The following SP4 variants were observed in gnomAD, a reference collection of about 807,000 sequenced individuals.
The protein encoded by SP4 is Sp4 transcription factor.
SP4 carries 19 observed loss-of-function variants against 72.8 expected under a neutral mutation model. That is an observed-to-expected ratio of 0.26 (90% CI 0.18 to 0.38). The LOEUF is 0.38. Among genes scored for constraint, SP4 ranks in the 10% least tolerant of loss-of-function variants. The pLI is 1.00. For missense variants in SP4, 1,008 were observed against 926.3 expected (o/e 1.09, Z -1.14); for synonymous variants, 395 against 333.1 (o/e 1.19, Z -2.02).
At chr7:21,501,344 CCCT>C (rs150202485) in intron 5 of SP4, among the ~76,000 whole-genome samples, 4,181 of 152,140 alleles carry the variant, frequency 0.027, 104 homozygotes, top group East Asian at 0.078. Context: ...CTCACAAAGT[CCCT>C]CCTCTTTTCT....
At chr7:21,489,553 C>CTTTTTTT (rs1193080485) in intron 5 of SP4, among the ~76,000 whole-genome samples, 916 of 82,494 alleles carry the variant, frequency 0.011, no homozygotes, top group Non-Finnish European at 0.017. Context: ...TTTCTTTTTT[C>CTTTTTTT]TTTTTTTTTT....
intron 3 of SP4, among the ~76,000 whole-genome samples, chr7:21,460,668 G>A (rs7797799): frequency 0.01 from 1,540 of 152,266 alleles, 28 homozygotes; most frequent in African/African-American, 0.035. Context: ...TTTACAGAGC[G>A]CTGATTGGTC....
chr7:21,512,734 T>G lies in SP4; in HGVS notation c.*1465T>G, dbSNP rs1583456100. The G allele has an allele frequency of 6.6e-6, 1 of 152,374 alleles. No individual in the cohort carries two copies. The highest frequency in any genetic ancestry group is 1.9e-4 in the East Asian group (1 of 5,182). 9.4% of individuals were successfully genotyped at this position (152,374 alleles called of 1,614,324 possible). ...CCTGCCACCATGCCTGGCTAATTTTTGTATTTTTAGTAGAGACAGGGTTTC... is the reference window on the plus strand; with the variant it reads ...CCTGCCACCATGCCTGGCTAATTTTGGTATTTTTAGTAGAGACAGGGTTTC... On this transcript the variant is annotated 3_prime_UTR_variant, in exon 6 of 6. Transcript: ENST00000222584.
chr7:21,464,122 C>CTTTT (rs995083942), intron 3 of SP4, among the ~76,000 whole-genome samples: 9 of 127,326 alleles, frequency 7.1e-5, no homozygotes, highest in South Asian at 2.5e-4. Flanking sequence ...AGGGCGCTCT[C>CTTTT]TTTTTTTTTT....
chr7:21,470,459 G>T (rs1416048245), intron 3 of SP4, among the ~76,000 whole-genome samples: 1 of 152,184 alleles, frequency 6.6e-6, no homozygotes, highest in African/African-American at 2.4e-5. Flanking sequence ...AGAATTTGTT[G>T]GCTTAGGCAT....
chr7:21,428,176 T>TCCAGCCCCCCCCCCC lies in SP4; in HGVS notation c.-74_-73insAGCCCCCCCCCCCCC. 2 of 718,772 alleles carry TCCAGCCCCCCCCCCC rather than the reference T, an allele frequency of 2.8e-6. No individual in the cohort carries two copies. The highest frequency in any genetic ancestry group is 5.0e-6 in the Non-Finnish European group (2 of 396,136). 44.5% of individuals were successfully genotyped at this position (718,772 alleles called of 1,614,324 possible). On this transcript the variant is annotated 5_prime_UTR_variant, in exon 1 of 6. Transcript: ENST00000222584. The stretch of plus-strand genomic sequence containing the variant: ...ACCGCGGGCGGGCGGGACCGGCCTC[T>TCCAGCCCCCCCCCCC]CCTCCCGCCTCGCCCCCACCCCCAC...
Position 21,428,737 on chromosome 7 carries a change from G to T in SP4, c.68G>T (p.Gly23Val). Residue 23 changes from glycine to valine, a missense_variant, in exon 2 of 6, where the codon GGG becomes GTG. Physicochemically the swap from Gly to Val is moderately radical, Grantham distance 109. Coordinates refer to ENST00000222584, the MANE Select transcript of SP4 (RefSeq NM_003112.5). ...AAAAAMATEG[G>V]KTSEPENNNK... is the part of the protein sequence containing the mutation. ...GCAGCGGCGATGGCTACAGAAGGAGGGAAAACCTCTGAGCCAGAGAATAAC... is the reference window on the plus strand; with the variant it reads ...GCAGCGGCGATGGCTACAGAAGGAGTGAAAACCTCTGAGCCAGAGAATAAC... 1 of 1,553,950 alleles carries T rather than the reference G, an allele frequency of 6.4e-7. No individual in the cohort carries two copies.
chr7:21,448,661 G>A (rs1467976972), intron 3 of SP4, among the ~76,000 whole-genome samples: 1 of 152,192 alleles, frequency 6.6e-6, no homozygotes, highest in Non-Finnish European at 1.5e-5. Context: ...ATTAAATGGA[G>A]TAATATGTGT....
chr7:21,454,590 G>A (rs1783705671), intron 3 of SP4, among the ~76,000 whole-genome samples: 1 of 152,140 alleles, frequency 6.6e-6, no homozygotes, highest in South Asian at 2.1e-4. Flanking sequence ...AGGAAGTTAT[G>A]GTTTGTTGCT....
At chr7:21,441,466 C>A (rs940549417) in intron 3 of SP4, among the ~76,000 whole-genome samples, 1 of 152,106 alleles carries the variant, frequency 6.6e-6, no homozygotes. Flanking sequence ...GTTTTTTGAA[C>A]CATTTCCTAA....
intron 5 of SP4, among the ~76,000 whole-genome samples, chr7:21,489,573 T>C (rs1244216478): frequency 6.9e-6 from 1 of 145,544 alleles, no homozygotes; most frequent in African/African-American, 2.6e-5. Context: ...TTTTTTTTTT[T>C]TTTTGAGATG....
At chr7:21,452,485 A>G (rs1267399884) in intron 3 of SP4, among the ~76,000 whole-genome samples, 1 of 152,160 alleles carries the variant, frequency 6.6e-6, no homozygotes, top group Non-Finnish European at 1.5e-5. Flanking sequence ...ACAGGTCGGG[A>G]ATCCTGTACA....
chr7:21,500,578 C>T (rs1203366557), intron 5 of SP4, among the ~76,000 whole-genome samples: 1 of 152,114 alleles, frequency 6.6e-6, no homozygotes, highest in Non-Finnish European at 1.5e-5. Flanking sequence ...AATTCAGTTC[C>T]TTTCTGTTGT....
At chr7:21,478,182 A>G (rs919947648) in intron 4 of SP4, among the ~76,000 whole-genome samples, 5 of 152,310 alleles carry the variant, frequency 3.3e-5, no homozygotes, top group Middle Eastern at 3.4e-3. Flanking sequence ...ACCATATTAC[A>G]GTATGATCAA....
chr7:21,429,542 G>C lies in SP4; in HGVS notation c.377G>C (p.Ser126Thr), dbSNP rs1476037507. The change falls in exon 3 of 6, where the codon AGT becomes ACT. Residue 126 changes from serine to threonine, a missense_variant. By Grantham distance (58) the Ser-to-Thr change is moderately conservative. Around this residue, in one of 3 missense-constraint regions of SP4, gnomAD observed 893 missense variants for 743.3 expected, o/e 1.20. Coordinates refer to ENST00000222584, the MANE Select transcript of SP4 (RefSeq NM_003112.5). Reference protein sequence around the residue: ...NVSQPASSSSSSSSSNNGSAS... With the variant: ...NVSQPASSSSTSSSSNNGSAS... ...TCTCAACCAGCCTCTAGTTCGTCTAGTTCTTCCAGCAGTAATAACGGGAGT... is the reference window on the plus strand; with the variant it reads ...TCTCAACCAGCCTCTAGTTCGTCTACTTCTTCCAGCAGTAATAACGGGAGT... 1.2e-6 allele frequency: 2 copies of C among 1,614,172 alleles called. No individual in the cohort carries two copies.
Position 21,458,774 on chromosome 7 carries a change from C to A in SP4, c.1679-18305C>A, listed in dbSNP as rs192236203. Among the ~76,000 whole-genome samples, 81 of 151,916 alleles carry A rather than the reference C, an allele frequency of 5.3e-4. 1 individual carries two copies. The East Asian group carries it at 0.014, about 26-fold the overall frequency. On this transcript the variant is annotated intron_variant, in intron 3 of 5. Transcript: ENST00000222584. ...ATGCAAGATGGTTCTTAGGTGGCACCCCCTTCCCGCTCCCCTCCCCCCACA... is the reference window on the plus strand; with the variant it reads ...ATGCAAGATGGTTCTTAGGTGGCACACCCTTCCCGCTCCCCTCCCCCCACA...
At chr7:21,477,356 C>A (rs1343344014) in intron 4 of SP4, 49 bp downstream of exon 4, 1 of 1,200,934 alleles carries the variant, frequency 8.3e-7, no homozygotes, top group Non-Finnish European at 1.2e-6. Context: ...CATAAAACAG[C>A]AGTTAAAACC....
chr7:21,481,929 G>T lies in SP4; in HGVS notation c.1913G>T (p.Ser638Ile). ...PNCREGEGRG[S>I]NEPGKKKQHI... ...TCGGTTTTTGTTTTTGCTAGAGGCA[G>T]TAATGAACCAGGAAAAAAGAAGCAG... The change falls in exon 5 of 6, where the codon AGT becomes ATT. Residue 638 changes from serine to isoleucine, a missense_variant. By Grantham distance (142) the Ser-to-Ile change is moderately radical. Around this residue, in one of 3 missense-constraint regions of SP4, gnomAD observed 893 missense variants for 743.3 expected, o/e 1.20. Transcript: ENST00000222584. The T allele has an allele frequency of 1.9e-6, 3 of 1,613,392 alleles. No individual in the cohort carries two copies. Among genetic ancestry groups the T allele is most frequent in the Non-Finnish European group, 1.7e-6 (2 of 1,179,362 alleles).
At chr7:21,448,387 T>C (rs1343608756) in intron 3 of SP4, among the ~76,000 whole-genome samples, 1 of 152,168 alleles carries the variant, frequency 6.6e-6, no homozygotes, top group Non-Finnish European at 1.5e-5. Flanking sequence ...GCCATTCTTA[T>C]TAAAGATCAT....
Sources: allele counts gnomAD v4.1 joint callset (sites outside exome capture counted in the v4.1 genomes callset), GRCh38; gene constraint gnomAD v4.1.1; regional missense constraint gnomAD v4.1.1; transcripts MANE v1.5; gene names NCBI Gene and HGNC (gene_info 2026-07-23, HGNC 2026-07-21).